Variants in FAM216B observed in about 807,000 individuals in gnomAD.
FAM216B encodes the protein protein FAM216B.
A neutral mutation model predicts 12.9 loss-of-function variants in FAM216B; 11 were observed. The observed-to-expected ratio is 0.86, with a 90% CI of 0.54 to 1.42. The LOEUF (loss-of-function observed/expected upper bound fraction) is 1.42. Among genes scored for constraint, FAM216B ranks in the 40% most tolerant of loss-of-function variants. The probability of loss-of-function intolerance (pLI) is 0.00; values close to 1 mark genes in which losing one functional copy is unlikely to be tolerated. For missense variants in FAM216B, 167 were observed against 162.9 expected (o/e 1.02, Z -0.14); for synonymous variants, 52 against 57.2 (o/e 0.91, Z 0.41).
rs369392903 is a variant in FAM216B at position 42,786,736 on chromosome 13, T to C, written c.100-27T>C. ...AATGCTGTGGAACTCCACACACTCATCAAAATCACCTGTTCTGTTCCAACA... is the reference window on the plus strand; with the variant it reads ...AATGCTGTGGAACTCCACACACTCACCAAAATCACCTGTTCTGTTCCAACA... On this transcript the variant is annotated intron_variant, in intron 2 of 3. Coordinates refer to ENST00000313851, the MANE Select transcript of FAM216B (RefSeq NM_001318932.2). 6 of 1,611,844 alleles carry C rather than the reference T, an allele frequency of 3.7e-6. No individual in the cohort carries two copies. The African/African-American group carries it at 5.3e-5, about 14-fold the overall frequency.
chr13:42,788,602 C>G lies in FAM216B; in HGVS notation c.232C>G (p.Gln78Glu). 6.2e-7 allele frequency: 1 copy of G among 1,612,166 alleles called. No homozygotes were observed. The highest frequency in any genetic ancestry group is 8.5e-7 in the Non-Finnish European group (1 of 1,179,062). Residue 78 changes from glutamine (Q) to glutamate (E), a missense_variant, in exon 4 of 4, where the codon CAA becomes GAA. Gln to Glu is a conservative substitution (Grantham distance 29, BLOSUM62 2). Transcript: ENST00000313851. ...QHQQLLGYIT[Q>E]REALSYALVL... ...TTTCTTTCCCCTAGGCTATATTACTCAACGGGAAGCCTTGTCTTATGCTCT... is the reference window on the plus strand; with the variant it reads ...TTTCTTTCCCCTAGGCTATATTACTGAACGGGAAGCCTTGTCTTATGCTCT...
rs1289582236 is a variant in FAM216B, at chr13:42,789,993, G to A, written c.*1203G>A. ...TCTGACTTTTCTTTGGGAGGAATGG[G>A]AAGTGTGGTTGGCCCACTAGTCTGA... On this transcript the variant is annotated 3_prime_UTR_variant, in exon 4 of 4. Coordinates refer to ENST00000313851, the MANE Select transcript of FAM216B (RefSeq NM_001318932.2). 2 of 152,182 alleles carry A rather than the reference G, an allele frequency of 1.3e-5. No individual in the cohort carries two copies. The highest frequency in any genetic ancestry group is 2.9e-5 in the Non-Finnish European group (2 of 68,042). The allele number at this position is 152,182 out of a possible 1,614,324, so 9.4% of individuals were successfully genotyped here.
At chr13:42,786,918 A>G in intron 3 of FAM216B, 35 bp downstream of exon 3, 1 of 1,611,594 alleles carries the variant, frequency 6.2e-7, no homozygotes, top group Non-Finnish European at 8.5e-7. Context: ...CTAAGCACCT[A>G]AGGAATCAAC....
In FAM216B at chr13:42,788,634, T is replaced by C; in HGVS notation, c.264T>C (p.Leu88=). Residue 88 remains leucine (L), a synonymous_variant, in exon 4 of 4, where the codon CTT becomes CTC. Transcript: ENST00000313851. ...QREALSYALV[L]RDSTKRASAK... ...AAGCCTTGTCTTATGCTCTTGTACTTAGAGATTCAACCAAGAGAGCCTCAG... is the reference window on the plus strand; with the variant it reads ...AAGCCTTGTCTTATGCTCTTGTACTCAGAGATTCAACCAAGAGAGCCTCAG... The C allele has an allele frequency of 6.2e-7, 1 of 1,613,912 alleles. No homozygotes were observed. Among genetic ancestry groups the C allele is most frequent in the Admixed American group, 1.7e-5 (1 of 60,000 alleles).
chr13:42,788,927 T>C lies in FAM216B; in HGVS notation c.*137T>C. The C allele has an allele frequency of 1.0e-6, 1 of 960,508 alleles. No individual in the cohort carries two copies. Among genetic ancestry groups the C allele is most frequent in the Non-Finnish European group, 1.5e-6 (1 of 682,818 alleles). The allele number at this position is 960,508 out of a possible 1,614,324, so 59.5% of individuals were successfully genotyped here. A position where few individuals can be genotyped will look rare whatever the true frequency, so the allele number is the denominator to read the frequency against. ...AGACCTAAAAATAATCTCTGATTCA[T>C]ATAAATTTTGCCAGCAAGACCAAGA... On this transcript the variant is annotated 3_prime_UTR_variant, in exon 4 of 4. Transcript: ENST00000313851.
Position 42,790,165 on chromosome 13 carries a change from G to A in FAM216B, c.*1375G>A, listed in dbSNP as rs1442913726. The A allele has an allele frequency of 1.3e-5, 2 of 152,154 alleles. No homozygotes were observed. Among genetic ancestry groups the A allele is most frequent in the Non-Finnish European group, 2.9e-5 (2 of 68,048 alleles). The allele number at this position is 152,154 out of a possible 1,614,324, so 9.4% of individuals were successfully genotyped here. On this transcript the variant is annotated 3_prime_UTR_variant, in exon 4 of 4. Coordinates refer to ENST00000313851, the MANE Select transcript of FAM216B (RefSeq NM_001318932.2). ...AGTGAGAAATTGTTACATAGGCTTAGAAGAAGAAAAGACTCCAGTGGGACT... is the reference window on the plus strand; with the variant it reads ...AGTGAGAAATTGTTACATAGGCTTAAAAGAAGAAAAGACTCCAGTGGGACT...
In FAM216B at chr13:42,781,666, T is replaced by TA. The variant is rs1873861312; in HGVS notation, c.-15+4dup. 6.6e-6 allele frequency: 1 copy of TA among 152,176 alleles called. No homozygotes were observed. Among genetic ancestry groups the TA allele is most frequent in the South Asian group, 2.1e-4 (1 of 4,824 alleles). 9.4% of individuals were successfully genotyped at this position (152,176 alleles called of 1,614,324 possible). Reference sequence around the variant, plus strand: ...AAAGTGGGGGAACTACAGTATAGGGTAAGTTCTTTTTAGGCAAATCTGTCT... The same window carrying TA: ...AAAGTGGGGGAACTACAGTATAGGGTAAAGTTCTTTTTAGGCAAATCTGTCT... On this transcript the variant is annotated splice_region_variant and intron_variant, in intron 1 of 3. Transcript: ENST00000313851.
intron 2 of FAM216B, 126 bp from the exon 3 acceptor site, chr13:42,786,637 A>G (rs1874099306): frequency 1.4e-6 from 1 of 736,210 alleles, no homozygotes; most frequent in Admixed American, 5.9e-5. Context: ...GTTGCACATT[A>G]AAAAAAAAAA....
chr13:42,784,057 T>C lies in FAM216B; in HGVS notation c.-11T>C, dbSNP rs202012426. 248 of 1,587,286 alleles carry C rather than the reference T, an allele frequency of 1.6e-4. No individual in the cohort carries two copies. The highest frequency in any genetic ancestry group is 3.4e-4 in the Middle Eastern group (2 of 5,928). ...TATGCTTTGTTGTTTCTTGGAGGTATAGGATAAACGATGGGACAAAACTGG... is the reference window on the plus strand; with the variant it reads ...TATGCTTTGTTGTTTCTTGGAGGTACAGGATAAACGATGGGACAAAACTGG... On this transcript the variant is annotated 5_prime_UTR_variant, in exon 2 of 4. Transcript: ENST00000313851.
intron 1 of FAM216B, 32 bp downstream of exon 1, chr13:42,781,696 G>C (rs1039847278): frequency 6.6e-6 from 1 of 152,130 alleles, no homozygotes; most frequent in Non-Finnish European, 1.5e-5. Flanking sequence ...CTGTCTTTTT[G>C]TTTCAGATAT....
intron 3 of FAM216B, among the ~76,000 whole-genome samples, chr13:42,787,318 C>T (rs1398796422): frequency 6.6e-6 from 1 of 152,194 alleles, no homozygotes; most frequent in Non-Finnish European, 1.5e-5. Flanking sequence ...TACAATATCT[C>T]ATTTTCTCTC....
chr13:42,783,934 C>A, intron 1 of FAM216B, 120 bp from the exon 2 acceptor site: 1 of 559,988 alleles, frequency 1.8e-6, no homozygotes, highest in Non-Finnish European at 3.1e-6. Context: ...ATGTTCTTAT[C>A]CCTTAGAACA....
In FAM216B at chr13:42,786,729, A is replaced by G. The variant is rs1350403779; in HGVS notation, c.100-34A>G. The G allele has an allele frequency of 2.5e-6, 4 of 1,611,670 alleles. No homozygotes were observed. In the South Asian group the frequency reaches 4.4e-5, roughly 18 times the overall value. On this transcript the variant is annotated intron_variant, in intron 2 of 3. Transcript: ENST00000313851. ...CAATTTGAATGCTGTGGAACTCCAC[A>G]CACTCATCAAAATCACCTGTTCTGT...
intron 2 of FAM216B, among the ~76,000 whole-genome samples, chr13:42,786,472 A>G (rs913234049): frequency 2.0e-5 from 3 of 152,142 alleles, no homozygotes; most frequent in Admixed American, 6.5e-5. Context: ...ATAAGGATCA[A>G]AGAAATTATA....
Position 42,789,648 on chromosome 13 carries a change from G to GTGTA in FAM216B, c.*861_*862insATGT, listed in dbSNP as rs1874241899. On this transcript the variant is annotated 3_prime_UTR_variant, in exon 4 of 4. Transcript: ENST00000313851. ...ATCACCAGAGATTTTGTGTGTGTGT[G>GTGTA]TGTGTGTGTGTGTGTGTGTGTTAAA... The GTGTA allele has an allele frequency of 1.3e-5, 2 of 150,208 alleles. No homozygotes were observed. The highest frequency in any genetic ancestry group is 4.9e-5 in the African/African-American group (2 of 40,878). 9.3% of individuals were successfully genotyped at this position (150,208 alleles called of 1,614,324 possible).
chr13:42,787,026 C>G, intron 3 of FAM216B, 143 bp downstream of exon 3: 1 of 1,286,184 alleles, frequency 7.8e-7, no homozygotes, highest in Non-Finnish European at 1.1e-6. Context: ...AGCCAAGTTT[C>G]AAAGTGCTTA....
chr13:42,782,290 G>A (rs559833390), intron 1 of FAM216B, among the ~76,000 whole-genome samples: 6 of 152,288 alleles, frequency 3.9e-5, no homozygotes, highest in East Asian at 1.9e-4. Flanking sequence ...CGTGAAGGTC[G>A]GGTAGAGAGA....
intron 3 of FAM216B, among the ~76,000 whole-genome samples, chr13:42,788,022 G>A (rs1468817504): frequency 1.3e-5 from 2 of 152,172 alleles, no homozygotes; most frequent in African/African-American, 4.8e-5. Flanking sequence ...GTCACTAGAA[G>A]CATCATCTAG....
In FAM216B at chr13:42,784,172, G is replaced by GTTTT. The variant is rs758021097; in HGVS notation, c.99+6_99+7insTTTT. The GTTTT allele has an allele frequency of 4.3e-5, 35 of 808,960 alleles. No individual in the cohort carries two copies. The highest frequency in any genetic ancestry group is 1.5e-4 in the South Asian group (7 of 46,324). The allele number at this position is 808,960 out of a possible 1,614,324, so 50.1% of individuals were successfully genotyped here. On this transcript the variant is annotated splice_region_variant and intron_variant, in intron 2 of 3. Transcript: ENST00000313851. Reference sequence around the variant, plus strand: ...ATGACACTTCCTTACTAAAGGTATGGCTTTTTTTTTTTTTTTTTTTTCACA... The same window carrying GTTTT: ...ATGACACTTCCTTACTAAAGGTATGGTTTTCTTTTTTTTTTTTTTTTTTTTCACA...
Sources: gnomAD v4.1 joint callset for allele counts (sites outside exome capture counted in the v4.1 genomes callset) on GRCh38, gnomAD v4.1.1 for gene constraint, MANE v1.5 for transcripts, NCBI Gene and HGNC (gene_info 2026-07-23, HGNC 2026-07-21) for gene names.